Variants in BNC2 observed in about 807,000 individuals in gnomAD.
BNC2 encodes the protein zinc finger protein basonuclin-2.
In BNC2, 20 loss-of-function variants were observed where a neutral mutation model predicts 76.3. The ratio of observed to expected loss-of-function variants is 0.26; its 90% CI spans 0.18 to 0.38. The LOEUF is 0.38. Ranked by LOEUF, BNC2 falls within the 10% of genes least tolerant of loss-of-function variation. The pLI is 1.00. For missense variants in BNC2, 1,382 were observed against 1,399.8 expected, an observed-to-expected ratio of 0.99 and a Z score of 0.20; for synonymous variants, 582 against 514.8, an observed-to-expected ratio of 1.13 and a Z score of -1.77.
chr9:16,437,953 A>T (rs1821053749), intron 5 of BNC2, among the ~76,000 whole-genome samples: 1 of 152,238 alleles, frequency 6.6e-6, no homozygotes, highest in African/African-American at 2.4e-5. Context: ...ATAGGAAGGA[A>T]TTAAGTACTT....
chr9:16,655,015 T>C (rs1011163028), intron 3 of BNC2, among the ~76,000 whole-genome samples: 1 of 151,902 alleles, frequency 6.6e-6, no homozygotes, highest in Admixed American at 6.6e-5. Flanking sequence ...AAATGATAGA[T>C]CAATAACTGT....
At chr9:16,793,854 GTTTTTGTTTTTTT>G (rs1817577725) in intron 1 of BNC2, among the ~76,000 whole-genome samples, 1 of 85,592 alleles carries the variant, frequency 1.2e-5, no homozygotes, top group African/African-American at 3.2e-5. Flanking sequence ...GTTTTTTGTG[GTTTTTGTTTTTTT>G]GTTTTTTTTT....
At chr9:16,653,117 G>A (rs2133967031) in intron 3 of BNC2, among the ~76,000 whole-genome samples, 1 of 152,232 alleles carries the variant, frequency 6.6e-6, no homozygotes, top group Admixed American at 6.5e-5. Flanking sequence ...TTTAAATGCT[G>A]CAAAATGACT....
intron 1 of BNC2, among the ~76,000 whole-genome samples, chr9:16,836,428 A>T (rs1818708493): frequency 6.6e-6 from 1 of 152,144 alleles, no homozygotes; most frequent in Non-Finnish European, 1.5e-5. Context: ...AATTAAATAG[A>T]ATCCCAAACA....
intron 5 of BNC2, among the ~76,000 whole-genome samples, chr9:16,526,432 C>T (rs980878847): frequency 5.4e-5 from 8 of 148,988 alleles, no homozygotes; most frequent in Middle Eastern, 3.3e-3. Context: ...TGTGTGTCCA[C>T]CAATGCTGGG....
At chr9:16,584,491 G>C (rs1819716316) in intron 3 of BNC2, among the ~76,000 whole-genome samples, 1 of 152,038 alleles carries the variant, frequency 6.6e-6, no homozygotes, top group African/African-American at 2.4e-5. Flanking sequence ...TCAGATGTTG[G>C]AGTCCTCACT....
At chr9:16,564,374 T>G (rs1819108007) in intron 4 of BNC2, among the ~76,000 whole-genome samples, 1 of 152,072 alleles carries the variant, frequency 6.6e-6, no homozygotes, top group South Asian at 2.1e-4. Context: ...AGCTAAGAAG[T>G]AGGAGGAAAA....
intron 1 of BNC2, among the ~76,000 whole-genome samples, chr9:16,747,431 A>G (rs1023805112): frequency 3.3e-5 from 5 of 152,238 alleles, no homozygotes; most frequent in Non-Finnish European, 4.4e-5. Context: ...ATGGAACTTT[A>G]TATTTATTGA....
chr9:16,810,443 A>G (rs1818018157), intron 1 of BNC2, among the ~76,000 whole-genome samples: 1 of 152,196 alleles, frequency 6.6e-6, no homozygotes, highest in Non-Finnish European at 1.5e-5. Flanking sequence ...CGTCCCACAG[A>G]GCTGTTTGTT....
At chr9:16,830,246 T>C (rs1024942223) in intron 1 of BNC2, among the ~76,000 whole-genome samples, 1 of 152,214 alleles carries the variant, frequency 6.6e-6, no homozygotes, top group Admixed American at 6.5e-5. Context: ...TACACAGTTA[T>C]CAGCTTGGCT....
intron 2 of BNC2, among the ~76,000 whole-genome samples, chr9:16,728,394 C>A (rs1824412874): frequency 6.6e-6 from 1 of 152,164 alleles, no homozygotes; most frequent in Admixed American, 6.5e-5. Context: ...TATGCACACT[C>A]CAGGCAGCAC....
chr9:16,843,921 T>A (rs1274128863), intron 1 of BNC2, among the ~76,000 whole-genome samples: 2 of 152,178 alleles, frequency 1.3e-5, no homozygotes, highest in East Asian at 3.9e-4. Context: ...AACGAGTATG[T>A]GAAATATCTG....
At position 16,515,539 on chromosome 9, in the gene BNC2, G is replaced by A. The variant is rs147255940; in HGVS notation, c.669+36991C>T. On this transcript the variant is annotated intron_variant, in intron 5 of 6. Coordinates refer to ENST00000380672, the MANE Select transcript of BNC2 (RefSeq NM_017637.6). Reference sequence around the variant, plus strand: ...CTGTTTAGTGTCACTCAGTTGGGATGGATCCCGTTAAAGATCTGACGCTTA... The same window carrying A: ...CTGTTTAGTGTCACTCAGTTGGGATAGATCCCGTTAAAGATCTGACGCTTA... Among the ~76,000 whole-genome samples, 22 of 152,048 alleles carry A rather than the reference G, an allele frequency of 1.4e-4. No individual in the cohort carries two copies. In the East Asian group the frequency reaches 4.3e-3, roughly 30 times the overall value.
At chr9:16,828,990 G>A (rs1050993969) in intron 1 of BNC2, among the ~76,000 whole-genome samples, 6 of 152,150 alleles carry the variant, frequency 3.9e-5, no homozygotes, top group Non-Finnish European at 7.3e-5. Context: ...GTGTGAGCAG[G>A]GGGGCGGCGG....
chr9:16,458,037 G>A (rs140757343), intron 5 of BNC2, among the ~76,000 whole-genome samples: 1 of 152,088 alleles, frequency 6.6e-6, no homozygotes, highest in South Asian at 2.1e-4. Context: ...TAGAATGTCT[G>A]TCTTTATTTG....
In BNC2 at chr9:16,727,825, G is replaced by C; in HGVS notation, c.302C>G (p.Thr101Ser). ...GFMGTWQNAD[T>S]NLLFRMSQQA... The stretch of plus-strand genomic sequence containing the variant: ...TTGGGACATTCTGAATAAGAGGTTA[G>C]TATCAGCGTTTTGCCATGTCCCCAT... The change falls in exon 3 of 7, where the codon ACT becomes AGT. Residue 101 changes from threonine to serine, a missense_variant. Transcript: ENST00000380672. 1 of 1,614,168 alleles carries C rather than the reference G, an allele frequency of 6.2e-7. No individual in the cohort carries two copies. The highest frequency in any genetic ancestry group is 8.5e-7 in the Non-Finnish European group (1 of 1,180,000).
intron 1 of BNC2, among the ~76,000 whole-genome samples, chr9:16,769,511 C>T (rs886598934): frequency 1.3e-5 from 2 of 152,130 alleles, no homozygotes; most frequent in South Asian, 2.1e-4. Context: ...GGGACGGAAT[C>T]ATTGCACAGG....
At chr9:16,458,363 T>A (rs1332625937) in intron 5 of BNC2, among the ~76,000 whole-genome samples, 1 of 152,230 alleles carries the variant, frequency 6.6e-6, no homozygotes, top group East Asian at 1.9e-4. Context: ...GTGGTCCTTT[T>A]CAACATTTAC....
At position 16,647,607 on chromosome 9, in the gene BNC2, A is replaced by C. The variant is rs538703548; in HGVS notation, c.331-64522T>G. Among the ~76,000 whole-genome samples the C allele has an allele frequency of 7.9e-5, 12 of 152,266 alleles. No individual in the cohort carries two copies. In the East Asian group the frequency reaches 2.3e-3, roughly 29 times the overall value. On this transcript the variant is annotated intron_variant, in intron 3 of 6. Transcript: ENST00000380672. Reference sequence around the variant, plus strand: ...ATGACTTTATGAAGAAGCTTGATCCAAGTGCAACCATGATGAGATTTTTGA... The same window carrying C: ...ATGACTTTATGAAGAAGCTTGATCCCAGTGCAACCATGATGAGATTTTTGA...
Sources: gnomAD v4.1 joint callset for allele counts (sites outside exome capture counted in the v4.1 genomes callset) on GRCh38, gnomAD v4.1.1 for gene constraint, MANE v1.5 for transcripts, NCBI Gene and HGNC (gene_info 2026-07-23, HGNC 2026-07-21) for gene names.